CELF2: variants seen among roughly 807,000 people sequenced by gnomAD.
CELF2 encodes the protein CUGBP Elav-like family member 2, also known as CUG triplet repeat RNA-binding protein 2.
In CELF2, 8 loss-of-function variants were observed where a neutral mutation model predicts 62.6. That is an observed-to-expected ratio of 0.13 (90% CI 0.07 to 0.23). The LOEUF is 0.23. Among genes scored for constraint, CELF2 ranks in the 10% least tolerant of loss-of-function variants. The pLI is 1.00. For synonymous variants in CELF2, 258 were observed against 250.0 expected (o/e 1.03, Z -0.30); for missense variants, 333 against 671.0 (o/e 0.50, Z 5.56).
chr10:11,303,658 C>T (rs923448604), intron 9 of CELF2, among the ~76,000 whole-genome samples: 4 of 152,132 alleles, frequency 2.6e-5, no homozygotes, highest in Non-Finnish European at 5.9e-5. Context: ...AGCAGATGGC[C>T]TAAGGTCTTA....
chr10:11,083,259 T>C (rs998739991), intron 1 of CELF2, among the ~76,000 whole-genome samples: 1 of 152,212 alleles, frequency 6.6e-6, no homozygotes, highest in Non-Finnish European at 1.5e-5. Flanking sequence ...CTTTGACAGA[T>C]GCTCATGATT....
chr10:10,465,713 T>G, the CELF2 span, among the ~76,000 whole-genome samples: 34 of 152,102 alleles, frequency 2.2e-4, no homozygotes. Context: ...AATGACCCCA[T>G]CCAACACTAT....
At chr10:10,926,444 TC>T (rs1203254605) in intron 2 of CELF2, among the ~76,000 whole-genome samples, 5 of 152,186 alleles carry the variant, frequency 3.3e-5, no homozygotes, top group Non-Finnish European at 7.3e-5. Flanking sequence ...AGCTTGAAAT[TC>T]CCAGCCTCCA....
intron 1 of CELF2, among the ~76,000 whole-genome samples, chr10:10,838,239 G>A (rs528825946): frequency 1.3e-5 from 2 of 152,156 alleles, no homozygotes; most frequent in African/African-American, 4.8e-5. Flanking sequence ...TATGGGTTTG[G>A]GGGAGGAAGA....
chr10:10,513,475 C>G, the CELF2 span, among the ~76,000 whole-genome samples: 1 of 152,064 alleles, frequency 6.6e-6, no homozygotes, highest in Non-Finnish European at 1.5e-5. Flanking sequence ...TACTTCTGTC[C>G]AGTTAAATAT....
intron 1 of CELF2, among the ~76,000 whole-genome samples, chr10:10,861,514 C>T (rs1591298602): frequency 1.3e-5 from 2 of 152,292 alleles, no homozygotes; most frequent in African/African-American, 4.8e-5. Flanking sequence ...AATATATTTA[C>T]ATGGTTTTAT....
the CELF2 span, among the ~76,000 whole-genome samples, chr10:10,762,270 T>C: frequency 5.9e-5 from 9 of 152,006 alleles, no homozygotes; most frequent in South Asian, 1.9e-3. Flanking sequence ...ACAGGAAGAA[T>C]GGATGTCCAC....
the CELF2 span, among the ~76,000 whole-genome samples, chr10:10,664,754 A>C: frequency 6.6e-6 from 1 of 152,194 alleles, no homozygotes; most frequent in South Asian, 2.1e-4. Context: ...TAGTAGCCCC[A>C]GTGTGTGGTT....
the CELF2 span, among the ~76,000 whole-genome samples, chr10:10,737,531 T>G: frequency 4.6e-5 from 7 of 152,276 alleles, no homozygotes; most frequent in Admixed American, 3.3e-4. Flanking sequence ...GCCCATACTA[T>G]GGACAGCACG....
the CELF2 span, among the ~76,000 whole-genome samples, chr10:10,640,822 A>T: frequency 3.3e-5 from 5 of 152,212 alleles, no homozygotes; most frequent in African/African-American, 1.2e-4. Context: ...TTTATTTCTC[A>T]TCGTCCACTG....
chr10:11,241,270 G>A (rs552936967), intron 3 of CELF2, among the ~76,000 whole-genome samples: 10 of 152,338 alleles, frequency 6.6e-5, no homozygotes, highest in African/African-American at 9.6e-5. Flanking sequence ...CACAGTTTGG[G>A]CTTACTGCAA....
intron 1 of CELF2, among the ~76,000 whole-genome samples, chr10:11,132,276 T>TA (rs1229352482): frequency 6.6e-6 from 1 of 152,224 alleles, no homozygotes; most frequent in African/African-American, 2.4e-5. Flanking sequence ...ATCTATTACT[T>TA]AAAATGAGTT....
chr10:10,568,415 A>G, the CELF2 span, among the ~76,000 whole-genome samples: 3 of 152,338 alleles, frequency 2.0e-5, no homozygotes, highest in Non-Finnish European at 2.9e-5. Flanking sequence ...TTACAAAAGC[A>G]TAACCTCTTG....
At chr10:10,536,089 G>T in the CELF2 span, among the ~76,000 whole-genome samples, 1 of 149,412 alleles carries the variant, frequency 6.7e-6, no homozygotes, top group African/African-American at 2.5e-5. Context: ...GTGCGATCTC[G>T]ACTCATTGCA....
chr10:10,671,518 C>A, the CELF2 span, among the ~76,000 whole-genome samples: 2 of 152,128 alleles, frequency 1.3e-5, no homozygotes, highest in African/African-American at 4.8e-5. Flanking sequence ...AAAATGTCTT[C>A]CCAAAAGAGC....
At position 10,936,606 on chromosome 10, in the gene CELF2, C is replaced by G. The variant is rs952488779; in HGVS notation, c.89+16607C>G. On this transcript the variant is annotated intron_variant, in intron 2 of 13. Coordinates refer to the CELF2 transcript ENST00000636488. This position sits in a 1 kb window ranked among gnomAD's most constrained non-coding sequence, Gnocchi z 4.0. ...GAAGAGTCAGGAACCCTTTTAACTG[C>G]TTTCTGGTTGTCTGTACCTTTTCTC... The G allele has an allele frequency of 1.3e-5, 2 of 152,206 alleles. No homozygotes were observed. The highest frequency in any genetic ancestry group is 2.9e-5 in the Non-Finnish European group (2 of 68,040). 9.4% of individuals were successfully genotyped at this position (152,206 alleles called of 1,614,324 possible).
At chr10:10,621,861 A>G in the CELF2 span, among the ~76,000 whole-genome samples, 2 of 152,348 alleles carry the variant, frequency 1.3e-5, no homozygotes, top group East Asian at 3.9e-4. Context: ...CTTCCACCAG[A>G]TATCATGAAA....
At chr10:10,585,046 A>G in the CELF2 span, among the ~76,000 whole-genome samples, 1 of 152,160 alleles carries the variant, frequency 6.6e-6, no homozygotes, top group Non-Finnish European at 1.5e-5. Flanking sequence ...TTTAACAGGA[A>G]GGGATCTTGG....
At chr10:10,804,168 G>A (rs2054959623) in intron 1 of CELF2, among the ~76,000 whole-genome samples, 1 of 152,222 alleles carries the variant, frequency 6.6e-6, no homozygotes, top group Admixed American at 6.5e-5. Flanking sequence ...AACAGATGTT[G>A]ACAAATTTCT....
Sources: gnomAD v4.1 joint callset for allele counts (sites outside exome capture counted in the v4.1 genomes callset) on GRCh38, gnomAD v4.1.1 for gene constraint, Gnocchi (gnomAD v3.1) non-coding constraint, MANE v1.5 for transcripts, NCBI Gene and HGNC (gene_info 2026-07-23, HGNC 2026-07-21) for gene names.